ASTN2: variants seen among roughly 807,000 people sequenced by gnomAD.
The protein encoded by ASTN2 is astrotactin-2.
ASTN2 carries 54 observed loss-of-function variants against 139.8 expected under a neutral mutation model. That is an observed-to-expected ratio of 0.39 (90% CI 0.31 to 0.48). ASTN2 has a LOEUF of 0.48. Among genes scored for constraint, ASTN2 ranks in the 20% least tolerant of loss-of-function variants. The pLI is 0.95. For synonymous variants in ASTN2, 756 were observed against 719.5 expected (o/e 1.05, Z -0.81); for missense variants, 1,565 against 1,725.1 (o/e 0.91, Z 1.64).
intron 4 of ASTN2, among the ~76,000 whole-genome samples, chr9:117,136,415 A>C (rs1829951945): frequency 6.6e-6 from 1 of 152,250 alleles, no homozygotes; most frequent in East Asian, 1.9e-4. Context: ...CTTTTAAAAG[A>C]TGAACCTGAA....
intron 19 of ASTN2, among the ~76,000 whole-genome samples, chr9:116,567,811 G>C (rs1202431942): frequency 6.6e-6 from 1 of 152,140 alleles, no homozygotes; most frequent in African/African-American, 2.4e-5. Flanking sequence ...CTGCCTGCCA[G>C]GCTGTATGCT....
chr9:117,300,196 G>T (rs886169032), intron 1 of ASTN2, among the ~76,000 whole-genome samples: 3 of 152,180 alleles, frequency 2.0e-5, no homozygotes, highest in African/African-American at 4.8e-5. Context: ...GGATAGATTG[G>T]AGGAAAAGAT....
chr9:116,466,883 A>AT (rs1048475975), intron 20 of ASTN2, among the ~76,000 whole-genome samples: 32 of 152,120 alleles, frequency 2.1e-4, no homozygotes, highest in African/African-American at 7.2e-4. Context: ...TGAGAATAAC[A>AT]TTTTTTGCTA....
At chr9:116,896,760 A>G (rs887398658) in intron 10 of ASTN2, among the ~76,000 whole-genome samples, 1 of 152,208 alleles carries the variant, frequency 6.6e-6, no homozygotes, top group Non-Finnish European at 1.5e-5. Flanking sequence ...GAGGGCAGGG[A>G]AAACTGCCAT....
chr9:117,010,703 G>A (rs1837502611), intron 6 of ASTN2, among the ~76,000 whole-genome samples: 1 of 152,140 alleles, frequency 6.6e-6, no homozygotes, highest in Non-Finnish European at 1.5e-5. Context: ...AGGCATTCAG[G>A]ATGTTTTGGG....
chr9:116,777,975 T>C (rs766756720), intron 13 of ASTN2, among the ~76,000 whole-genome samples: 1 of 152,154 alleles, frequency 6.6e-6, no homozygotes, highest in Non-Finnish European at 1.5e-5. Context: ...CCCGAGCAGC[T>C]GGGACTATAG....
At chr9:116,428,349 C>A (rs578211315) in intron 22 of ASTN2, among the ~76,000 whole-genome samples, 88 of 152,210 alleles carry the variant, frequency 5.8e-4, no homozygotes, top group Middle Eastern at 6.8e-3. Flanking sequence ...CATACTGAAA[C>A]CCTGTCTTTA....
chr9:116,803,235 T>C (rs756599284), intron 13 of ASTN2, among the ~76,000 whole-genome samples: 4 of 151,564 alleles, frequency 2.6e-5, no homozygotes, highest in Non-Finnish European at 4.4e-5. Flanking sequence ...AGAAAACTAG[T>C]ATTGTAGAAT....
At chr9:117,334,377 A>ACTAGGATACATCAGCCACAC (rs1368274765) in intron 1 of ASTN2, among the ~76,000 whole-genome samples, 2 of 152,140 alleles carry the variant, frequency 1.3e-5, no homozygotes, top group Non-Finnish European at 2.9e-5. Flanking sequence ...GACCCCTGAG[A>ACTAGGATACATCAGCCACAC]CTAGGATACA....
intron 7 of ASTN2, among the ~76,000 whole-genome samples, chr9:116,998,694 TA>T (rs1837094490): frequency 6.6e-6 from 1 of 152,204 alleles, no homozygotes; most frequent in Non-Finnish European, 1.5e-5. Context: ...TTATAATGTA[TA>T]TACCCATATA....
chr9:116,564,884 T>A (rs1853103408), intron 19 of ASTN2, among the ~76,000 whole-genome samples: 1 of 152,162 alleles, frequency 6.6e-6, no homozygotes, highest in South Asian at 2.1e-4. Context: ...AGTTTCTTAA[T>A]CAACTCAGGT....
intron 10 of ASTN2, among the ~76,000 whole-genome samples, chr9:116,917,420 G>T (rs1310054857): frequency 6.6e-6 from 1 of 152,162 alleles, no homozygotes; most frequent in African/African-American, 2.4e-5. Context: ...CATGCACAGG[G>T]CTTAGATTAC....
At chr9:116,678,698 T>C (rs780249538) in intron 16 of ASTN2, among the ~76,000 whole-genome samples, 15 of 152,164 alleles carry the variant, frequency 9.9e-5, no homozygotes, top group Admixed American at 2.0e-4. Context: ...TGAAATTATT[T>C]AGCTTTTTTT....
intron 20 of ASTN2, among the ~76,000 whole-genome samples, chr9:116,443,122 T>C (rs1489717475): frequency 2.0e-5 from 3 of 152,184 alleles, no homozygotes. Context: ...AAAAGACTAA[T>C]GCGGGAGCAT....
At chr9:117,182,356 C>T (rs1337334777) in intron 3 of ASTN2, among the ~76,000 whole-genome samples, 4 of 151,942 alleles carry the variant, frequency 2.6e-5, no homozygotes, top group Non-Finnish European at 4.4e-5. Context: ...AACACATACC[C>T]CACAGATGCA....
chr9:116,533,621 TG>T (rs1268968157), intron 19 of ASTN2, among the ~76,000 whole-genome samples: 11 of 152,234 alleles, frequency 7.2e-5, no homozygotes, highest in African/African-American at 2.7e-4. Context: ...GAGATAATCA[TG>T]TGATTTTTGT....
At chr9:117,193,126 T>C (rs1831391563) in intron 3 of ASTN2, among the ~76,000 whole-genome samples, 2 of 152,196 alleles carry the variant, frequency 1.3e-5, no homozygotes, top group Admixed American at 6.5e-5. Flanking sequence ...GGAAGAGGTG[T>C]ACCCAAAGAG....
intron 11 of ASTN2, among the ~76,000 whole-genome samples, chr9:116,838,170 T>C (rs11790195): frequency 0.23 from 33,457 of 146,908 alleles, 4,420 homozygotes; most frequent in East Asian, 0.49. Flanking sequence ...AGTGCAGTGG[T>C]GCAATCTCGG....
intron 20 of ASTN2, among the ~76,000 whole-genome samples, chr9:116,447,635 C>A (rs1484759507): frequency 6.6e-6 from 1 of 152,132 alleles, no homozygotes; most frequent in Admixed American, 6.5e-5. Flanking sequence ...CTGTGTGTAG[C>A]CTTGTCTCAA....
Sources: allele counts gnomAD v4.1 joint callset (sites outside exome capture counted in the v4.1 genomes callset), GRCh38; gene constraint gnomAD v4.1.1; transcripts MANE v1.5; gene names NCBI Gene and HGNC (gene_info 2026-07-23, HGNC 2026-07-21).